TEAD4: variants seen among roughly 807,000 people sequenced by gnomAD.
TEAD4 encodes transcriptional enhancer factor TEF-3.
TEAD4 carries 36 observed loss-of-function variants against 52.4 expected under a neutral mutation model. The ratio of observed to expected loss-of-function variants is 0.69; its 90% CI spans 0.53 to 0.91. The LOEUF (loss-of-function observed/expected upper bound fraction) is 0.91, where lower values mean the gene tolerates loss of function less well. TEAD4 is among the 40% of genes least tolerant of loss of function. TEAD4 has a pLI of 0.00. For missense variants in TEAD4, 508 were observed against 583.9 expected, an observed-to-expected ratio of 0.87 and a Z score of 1.34; for synonymous variants, 220 against 231.0, an observed-to-expected ratio of 0.95 and a Z score of 0.43.
Position 3,039,963 on chromosome 12 carries a change from A to T in TEAD4, c.1039-144A>T, listed in dbSNP as rs2098281688. Reference sequence around the variant, plus strand: ...TGGCCTCCCAAAGTGTTGGGATTACAGGTGTGAGCCACTGCCCCTGGCTGG... The same window carrying T: ...TGGCCTCCCAAAGTGTTGGGATTACTGGTGTGAGCCACTGCCCCTGGCTGG... On this transcript the variant is annotated intron_variant, in intron 11 of 12. Transcript: ENST00000359864. The T allele has an allele frequency of 4.7e-6, 5 of 1,067,098 alleles. No homozygotes were observed. The East Asian group carries it at 9.8e-5, about 21-fold the overall frequency. The allele number at this position is 1,067,098 out of a possible 1,614,324, so 66.1% of individuals were successfully genotyped here. A position where few individuals can be genotyped will look rare whatever the true frequency, so the allele number is the denominator to read the frequency against.
chr12:3,018,438 G>A, intron 6 of TEAD4, 107 bp from the exon 7 acceptor site: 3 of 1,355,998 alleles, frequency 2.2e-6, no homozygotes, highest in Non-Finnish European at 3.1e-6. Flanking sequence ...TCGGGCTCCA[G>A]CCTCTCCTCC....
chr12:3,034,273 C>T (rs1335879670), intron 10 of TEAD4, among the ~76,000 whole-genome samples: 2 of 152,098 alleles, frequency 1.3e-5, no homozygotes, highest in Non-Finnish European at 2.9e-5. Flanking sequence ...GCAGAACTCT[C>T]AGGGTGAGCA....
chr12:3,021,975 C>G lies in TEAD4; in HGVS notation c.855C>G (p.Phe285Leu). ...AAAAGGGTGGACTCAAGGATCTCTT[C>G]GAACGGGGACCCTCCAATGCCTTTT... Residue 285 changes from phenylalanine to leucine, a missense_variant, in exon 10 of 13, where the codon TTC (phenylalanine) becomes TTG (leucine). Transcript: ENST00000359864. 6.2e-7 allele frequency: 1 copy of G among 1,614,246 alleles called. No homozygotes were observed.
intron 2 of TEAD4, among the ~76,000 whole-genome samples, chr12:2,966,227 G>A (rs191156371): frequency 1.4e-4 from 21 of 152,202 alleles, no homozygotes; most frequent in African/African-American, 5.1e-4. Flanking sequence ...GCAGGGAGAT[G>A]GATGTGTGAC....
At chr12:3,040,017 G>A (rs2098281715) in intron 11 of TEAD4, 90 bp from the exon 12 acceptor site, 11 of 1,554,162 alleles carry the variant, frequency 7.1e-6, no homozygotes, top group Non-Finnish European at 8.7e-6. Flanking sequence ...GGGCCCCCAG[G>A]CTTTCTGCCT....
At chr12:3,024,277 C>T (rs1045410722) in intron 10 of TEAD4, among the ~76,000 whole-genome samples, 3 of 152,056 alleles carry the variant, frequency 2.0e-5, no homozygotes, top group African/African-American at 7.2e-5. Flanking sequence ...GGGGTTTCAC[C>T]GTGTTAGCCA....
intron 10 of TEAD4, among the ~76,000 whole-genome samples, chr12:3,024,557 T>C (rs1474822587): frequency 3.3e-5 from 5 of 152,056 alleles, no homozygotes; most frequent in Non-Finnish European, 7.4e-5. Context: ...CTCAGGAGGC[T>C]GAAGTAGGAG....
intron 10 of TEAD4, among the ~76,000 whole-genome samples, chr12:3,029,481 A>G (rs1274267951): frequency 6.6e-6 from 1 of 151,858 alleles, no homozygotes; most frequent in Non-Finnish European, 1.5e-5. Context: ...CTCGTGATCC[A>G]CCAGCCTCGG....
chr12:3,032,055 C>T (rs1017142633), intron 10 of TEAD4, among the ~76,000 whole-genome samples: 2 of 152,210 alleles, frequency 1.3e-5, no homozygotes, highest in African/African-American at 4.8e-5. Context: ...AGAGCCAGCC[C>T]CTTGGGCTTC....
chr12:3,000,674 G>T (rs2098250980), intron 3 of TEAD4, among the ~76,000 whole-genome samples: 1 of 152,192 alleles, frequency 6.6e-6, no homozygotes, highest in South Asian at 2.1e-4. Flanking sequence ...TCCAGGCAAG[G>T]GGGTGGAGAG....
intron 6 of TEAD4, among the ~76,000 whole-genome samples, chr12:3,018,274 G>A (rs2098266025): frequency 6.6e-6 from 1 of 152,208 alleles, no homozygotes; most frequent in Non-Finnish European, 1.5e-5. Flanking sequence ...CCTTAGGTCT[G>A]CACTGTGACT....
intron 2 of TEAD4, among the ~76,000 whole-genome samples, chr12:2,967,015 C>T (rs2098220984): frequency 6.6e-6 from 1 of 152,152 alleles, no homozygotes; most frequent in South Asian, 2.1e-4. Context: ...CCCTGTTTCT[C>T]GTTTTTATGG....
chr12:3,017,896 A>T (rs1243885744), intron 6 of TEAD4, among the ~76,000 whole-genome samples: 1 of 152,170 alleles, frequency 6.6e-6, no homozygotes, highest in Non-Finnish European at 1.5e-5. Context: ...CGTGCCACGC[A>T]GCCTCATTCC....
At position 3,037,219 on chromosome 12, in the gene TEAD4, C is replaced by T. The variant is rs546287087; in HGVS notation, c.898-749C>T. The stretch of plus-strand genomic sequence containing the variant: ...AGGCCGGGGACCAAGACTCCTGTCC[C>T]TTGTGGCTAAATGGCTCAATGAGAC... On this transcript the variant is annotated intron_variant, in intron 10 of 12. Coordinates refer to ENST00000359864, the MANE Select transcript of TEAD4 (RefSeq NM_003213.4). 1.9e-4 allele frequency among the ~76,000 whole-genome samples: 29 copies of T among 152,298 alleles called. No homozygotes were observed. In the East Asian group the frequency reaches 5.0e-3, roughly 26 times the overall value.
At chr12:3,021,301 A>C (rs1443064200) in intron 9 of TEAD4, among the ~76,000 whole-genome samples, 2 of 130,142 alleles carry the variant, frequency 1.5e-5, no homozygotes, top group Non-Finnish European at 3.1e-5. Flanking sequence ...TGACATCTTC[A>C]AACTTCTTTT....
intron 10 of TEAD4, among the ~76,000 whole-genome samples, chr12:3,027,931 A>G (rs1385732769): frequency 6.6e-6 from 1 of 152,186 alleles, no homozygotes; most frequent in Non-Finnish European, 1.5e-5. Context: ...CCATCACCAC[A>G]ATCAATTTTA....
intron 3 of TEAD4, among the ~76,000 whole-genome samples, chr12:2,998,336 G>C (rs1348819282): frequency 6.6e-6 from 1 of 152,086 alleles, no homozygotes; most frequent in Non-Finnish European, 1.5e-5. Flanking sequence ...GGGGTTAAGA[G>C]ACCGTGACCA....
chr12:3,016,972 C>T (rs1006213972), intron 5 of TEAD4: 2 of 408,808 alleles, frequency 4.9e-6, no homozygotes, highest in Non-Finnish European at 9.9e-6. Flanking sequence ...GAGGTGGTCT[C>T]TTGCCTCCAG....
At chr12:2,987,181 G>A (rs2098239201) in intron 2 of TEAD4, among the ~76,000 whole-genome samples, 2 of 152,166 alleles carry the variant, frequency 1.3e-5, no homozygotes, top group South Asian at 2.1e-4. Context: ...ACACAGATTT[G>A]GGGATTAAAC....
Sources: allele counts gnomAD v4.1 joint callset (sites outside exome capture counted in the v4.1 genomes callset), GRCh38; gene constraint gnomAD v4.1.1; transcripts MANE v1.5; gene names NCBI Gene and HGNC (gene_info 2026-07-23, HGNC 2026-07-21).